The following RGS12 variants were observed in gnomAD, a reference collection of about 807,000 sequenced individuals.
The protein encoded by RGS12 is regulator of G protein signaling 12, also known as regulator of G-protein signaling 12.
RGS12 carries 66 observed loss-of-function variants against 120.1 expected under a neutral mutation model. The observed-to-expected ratio is 0.55, with a 90% CI of 0.45 to 0.67. RGS12 has a LOEUF of 0.67. RGS12 is among the 30% of genes least tolerant of loss of function. RGS12 has a pLI of 0.00. For synonymous variants in RGS12, 827 were observed against 804.7 expected (o/e 1.03, Z -0.47); for missense variants, 1,859 against 1,957.7 (o/e 0.95, Z 0.95).
chr4:3,417,995 A>G (rs543188890), intron 9 of RGS12: 2 of 161,276 alleles, frequency 1.2e-5, no homozygotes, highest in South Asian at 3.6e-4. Context: ...GGTAGATGTC[A>G]GGGTCCATGT....
At chr4:3,310,060 C>T (rs35446945) in intron 1 of RGS12, among the ~76,000 whole-genome samples, 2,017 of 139,932 alleles carry the variant, frequency 0.014, 54 homozygotes, top group South Asian at 0.028. Flanking sequence ...CTGAGGGGAA[C>T]CGTGTGGGGG....
rs769057267 is a variant in RGS12 at position 3,439,612 on chromosome 4, C to G, written c.4272C>G (p.Leu1424=). 7.5e-6 allele frequency: 12 copies of G among 1,606,122 alleles called. No individual in the cohort carries two copies. In the South Asian group the frequency reaches 1.2e-4, roughly 16 times the overall value. The part of the protein sequence containing the change: ...QASGGPPTSD[L]PGLGPVPGEP... ...GTGGTGGGCCTCCTACATCAGACCT[C>G]CCTGGCTTGGGCCCCGTCCCGGGTG... The change falls in exon 18 of 18, where the codon CTC becomes CTG. Residue 1424 remains leucine (L), a synonymous_variant. Coordinates refer to ENST00000336727, the MANE Select transcript of RGS12 (RefSeq NM_001394154.1).
At chr4:3,405,468 C>A (rs748977119) in intron 4 of RGS12, among the ~76,000 whole-genome samples, 5 of 152,314 alleles carry the variant, frequency 3.3e-5, no homozygotes, top group Non-Finnish European at 4.4e-5. Context: ...GTTGGAACCA[C>A]AGAGAGGCTG....
Position 3,406,551 on chromosome 4 carries a change from C to G in RGS12, c.2021-7521C>G, listed in dbSNP as rs533008740. On this transcript the variant is annotated intron_variant, in intron 4 of 17. Transcript: ENST00000336727. ...GAAGTGTCAGTGGGATGGCCATGCC[C>G]ATTCCTGCAGTTGCTGTCGGGGGCC... 3.9e-4 allele frequency among the ~76,000 whole-genome samples: 60 copies of G among 152,348 alleles called. No individual in the cohort carries two copies. The Middle Eastern group carries it at 0.01, about 26-fold the overall frequency.
intron 10 of RGS12, among the ~76,000 whole-genome samples, chr4:3,421,965 G>A (rs938008561): frequency 2.0e-5 from 3 of 152,196 alleles, no homozygotes; most frequent in East Asian, 1.9e-4. Flanking sequence ...CAGTCCAGGC[G>A]ACGTTTCCAT....
intron 4 of RGS12, among the ~76,000 whole-genome samples, chr4:3,391,662 G>C (rs1719513714): frequency 6.6e-6 from 1 of 152,238 alleles, no homozygotes; most frequent in African/African-American, 2.4e-5. Flanking sequence ...CCCTAGGCGT[G>C]AGAAGCAGTG....
upstream of RGS12, among the ~76,000 whole-genome samples, chr4:3,290,103 G>A (rs762696763): frequency 3.3e-5 from 5 of 152,142 alleles, no homozygotes; most frequent in Admixed American, 6.5e-5. Context: ...GAGTGGTGCC[G>A]TGCTGAGCCT....
At chr4:3,421,365 C>T (rs909835165) in intron 10 of RGS12, among the ~76,000 whole-genome samples, 4 of 152,258 alleles carry the variant, frequency 2.6e-5, no homozygotes, top group Non-Finnish European at 5.9e-5. Context: ...ATAATTTCTT[C>T]TTCAGTTGTT....
rs1468632737 is a variant in RGS12, at chr4:3,430,882, C to T, written c.4041C>T (p.Asp1347=). 1 of 1,612,460 alleles carries T rather than the reference C, an allele frequency of 6.2e-7. No individual in the cohort carries two copies. Among genetic ancestry groups the T allele is most frequent in the Admixed American group, 1.7e-5 (1 of 59,946 alleles). Residue 1347 remains aspartate (D), a synonymous_variant, in exon 17 of 18, where the codon GAC becomes GAT. Coordinates refer to ENST00000336727, the MANE Select transcript of RGS12 (RefSeq NM_001394154.1). ...AGCTGACCCTGATGGGGGAGGGGGA[C>T]ATCAGCAGCCCCAACAGCACCTTGC... ...VAELTLMGEG[D]ISSPNSTLLP... is the part of the protein sequence containing the mutation.
At chr4:3,331,838 G>T (rs1711882095) in intron 2 of RGS12, among the ~76,000 whole-genome samples, 1 of 152,200 alleles carries the variant, frequency 6.6e-6, no homozygotes, top group South Asian at 2.1e-4. Flanking sequence ...TCCAGGGAGA[G>T]GAGCCTCATG....
intron 7 of RGS12, among the ~76,000 whole-genome samples, chr4:3,416,585 A>G (rs1722426406): frequency 6.6e-6 from 1 of 152,124 alleles, no homozygotes; most frequent in Non-Finnish European, 1.5e-5. Context: ...CTACTGTAAG[A>G]TTTCTAGTCG....
chr4:3,403,473 C>T (rs536277385), intron 4 of RGS12, among the ~76,000 whole-genome samples: 1 of 152,210 alleles, frequency 6.6e-6, no homozygotes, highest in African/African-American at 2.4e-5. Context: ...AGTCTGGGCC[C>T]AGCATAGTCA....
At position 3,317,191 on chromosome 4, in the gene RGS12, A is replaced by T; in HGVS notation, c.1021A>T (p.Met341Leu). 3 of 1,614,140 alleles carry T rather than the reference A, an allele frequency of 1.9e-6. No homozygotes were observed. Among genetic ancestry groups the T allele is most frequent in the Non-Finnish European group, 2.5e-6 (3 of 1,180,044 alleles). The change falls in exon 2 of 18, where the codon ATG (methionine) becomes TTG (leucine). Residue 341 changes from methionine to leucine, a missense_variant. This residue lies in a region of RGS12 where 967 missense variants were observed against 994.2 expected (regional missense o/e 0.97). Coordinates refer to ENST00000336727, the MANE Select transcript of RGS12 (RefSeq NM_001394154.1). Reference protein sequence around the residue: ...GALRTSCHVFMVDPDLFNHKI... With the variant: ...GALRTSCHVFLVDPDLFNHKI... Reference sequence around the variant, plus strand: ...CCTGCGGACTTCCTGCCACGTGTTCATGGTGGACCCAGACTTGTTTAATCA... The same window carrying T: ...CCTGCGGACTTCCTGCCACGTGTTCTTGGTGGACCCAGACTTGTTTAATCA...
chr4:3,401,481 A>G (rs752473386), intron 4 of RGS12, among the ~76,000 whole-genome samples: 2 of 152,206 alleles, frequency 1.3e-5, no homozygotes, highest in African/African-American at 4.8e-5. Flanking sequence ...GCATAGACGC[A>G]TAGTTATTAT....
At chr4:3,417,675 T>G (rs1305608979) in intron 9 of RGS12, 134 bp downstream of exon 9, 1 of 896,848 alleles carries the variant, frequency 1.1e-6, no homozygotes, top group East Asian at 2.7e-5. Context: ...TCGAGGAAGC[T>G]TCTCTGAATG....
At chr4:3,286,414 G>C in the RGS12 span, among the ~76,000 whole-genome samples, 1 of 152,248 alleles carries the variant, frequency 6.6e-6, no homozygotes, top group Non-Finnish European at 1.5e-5. Flanking sequence ...TTTTCTGTGT[G>C]CTCCTACATA....
upstream of RGS12, among the ~76,000 whole-genome samples, chr4:3,292,251 G>A (rs2110338586): frequency 6.6e-6 from 1 of 152,036 alleles, no homozygotes; most frequent in South Asian, 2.1e-4. Context: ...GGCGGCGGCT[G>A]GGACAGGGCC....
At chr4:3,327,546 T>C (rs755393979) in intron 2 of RGS12, among the ~76,000 whole-genome samples, 6 of 152,136 alleles carry the variant, frequency 3.9e-5, no homozygotes, top group Admixed American at 3.9e-4. Flanking sequence ...GGGTCTAATA[T>C]CCAGAATATA....
intron 3 of RGS12, among the ~76,000 whole-genome samples, chr4:3,348,040 G>A (rs1007376284): frequency 7.2e-4 from 109 of 152,316 alleles, no homozygotes; most frequent in African/African-American, 2.5e-3. Flanking sequence ...ATAAGTCTTT[G>A]TAAGATGAGA....
Sources: gnomAD v4.1 joint callset for allele counts (sites outside exome capture counted in the v4.1 genomes callset) on GRCh38, gnomAD v4.1.1 for gene constraint, gnomAD v4.1.1 regional missense constraint, MANE v1.5 for transcripts, NCBI Gene and HGNC (gene_info 2026-07-23, HGNC 2026-07-21) for gene names.